TTC13: variants seen among roughly 807,000 people sequenced by gnomAD.
The protein encoded by TTC13 is tetratricopeptide repeat protein 13.
Under a neutral mutation model 120.0 loss-of-function variants are expected in TTC13, and 62 were observed. That is an observed-to-expected ratio of 0.52 (90% CI 0.42 to 0.64). TTC13 has a LOEUF of 0.64. Among genes scored for constraint, TTC13 ranks in the 30% least tolerant of loss-of-function variants. TTC13 has a pLI of 0.00. For missense variants in TTC13, 824 were observed against 1,050.2 expected (o/e 0.78, Z 2.98); for synonymous variants, 384 against 393.5 (o/e 0.98, Z 0.28).
chr1:230,908,225 T>C (rs1671132172), intron 22 of TTC13, among the ~76,000 whole-genome samples: 1 of 152,198 alleles, frequency 6.6e-6, no homozygotes, highest in African/African-American at 2.4e-5. Flanking sequence ...TCTCACTCTG[T>C]CACCCAAGCT....
intron 11 of TTC13, among the ~76,000 whole-genome samples, chr1:230,929,322 A>ATTTTTT (rs66812339): frequency 0.45 from 64,653 of 144,074 alleles, 15,262 homozygotes; most frequent in Admixed American, 0.55. Flanking sequence ...CTTTGGCTAC[A>ATTTTTT]TTTTTTTTTT....
At chr1:230,918,959 T>C (rs1672305957) in intron 17 of TTC13, among the ~76,000 whole-genome samples, 1 of 152,248 alleles carries the variant, frequency 6.6e-6, no homozygotes, top group African/African-American at 2.4e-5. Flanking sequence ...TTCTAACTGC[T>C]GTTGGCATGT....
chr1:230,962,081 G>A (rs1034762269), intron 1 of TTC13, among the ~76,000 whole-genome samples: 5 of 152,012 alleles, frequency 3.3e-5, no homozygotes, highest in African/African-American at 1.2e-4. Context: ...GTGGTGGCAG[G>A]TGCCTGTAAT....
chr1:230,906,886 T>A lies in TTC13; in HGVS notation c.*19A>T. The A allele has an allele frequency of 2.1e-5, 27 of 1,315,078 alleles. No homozygotes were observed. The highest frequency in any genetic ancestry group is 2.6e-5 in the Non-Finnish European group (25 of 975,578). The allele number at this position is 1,315,078 out of a possible 1,614,324, so 81.5% of individuals were successfully genotyped here. On this transcript the variant is annotated 3_prime_UTR_variant, in exon 23 of 23. Coordinates refer to ENST00000366661, the MANE Select transcript of TTC13 (RefSeq NM_024525.5). ...AGCAAGAGGTCCGGCCCTTTACTTG[T>A]ATAAATACAGCAGCAGAACTAGAGT...
intron 3 of TTC13, among the ~76,000 whole-genome samples, chr1:230,956,945 A>G (rs1436151998): frequency 6.6e-6 from 1 of 152,162 alleles, no homozygotes. Context: ...TCAAGAAAAA[A>G]TACTGGATAC....
At chr1:230,916,169 A>T (rs1303232238) in intron 18 of TTC13, 24 bp downstream of exon 18, 1 of 1,544,494 alleles carries the variant, frequency 6.5e-7, no homozygotes, top group African/African-American at 1.4e-5. Flanking sequence ...TCTAGTTTAC[A>T]CCCACATTAA....
At position 230,978,446 on chromosome 1, in the gene TTC13, T is replaced by G. The variant is rs909468819; in HGVS notation, c.271+114A>C. On this transcript the variant is annotated intron_variant, in intron 1 of 22. Transcript: ENST00000366661. The surrounding 1 kb of genome is among the most constrained non-coding windows in gnomAD (Gnocchi z 5.6). ...CCCTGGCCGAGCCGGCTCCCGCGGA[T>G]CGCGCGCCGCAGCCGGAGGCGTGAG... is the stretch of plus-strand genomic sequence containing the variant. 8.6e-5 allele frequency: 23 copies of G among 266,572 alleles called. No homozygotes were observed. Among genetic ancestry groups the G allele is most frequent in the Non-Finnish European group, 1.4e-4 (20 of 144,996 alleles). The allele number at this position is 266,572 out of a possible 1,614,324, so 16.5% of individuals were successfully genotyped here.
intron 8 of TTC13, among the ~76,000 whole-genome samples, chr1:230,937,793 CAT>C (rs1401139587): frequency 7.9e-5 from 12 of 152,146 alleles, no homozygotes; most frequent in Non-Finnish European, 1.6e-4. Context: ...GTACTTTTCA[CAT>C]AGAGTATTTT....
Position 230,940,542 on chromosome 1 carries a change from C to T in TTC13, c.687G>A (p.Leu229=), listed in dbSNP as rs748908285. The T allele has an allele frequency of 1.2e-6, 2 of 1,609,460 alleles. No individual in the cohort carries two copies. The highest frequency in any genetic ancestry group is 2.7e-5 in the African/African-American group (2 of 74,830). ...FEQRAEILSP[L]GRINEAVNDL... ...CATTCACTGCTTCATTAATTCGTCC[C>T]AGAGGGGACAGAATCTAGAAATCCC... The change falls in exon 7 of 23, where the codon CTG becomes CTA. Residue 229 remains leucine, a synonymous_variant. Coordinates refer to ENST00000366661, the MANE Select transcript of TTC13 (RefSeq NM_024525.5). The surrounding 1 kb of genome is among the most constrained non-coding windows in gnomAD (Gnocchi z 4.1).
chr1:230,933,058 T>G (rs982770728), intron 9 of TTC13, among the ~76,000 whole-genome samples: 10 of 152,144 alleles, frequency 6.6e-5, no homozygotes, highest in Non-Finnish European at 2.9e-5. Flanking sequence ...CCGCAACCTC[T>G]GACTCCCGGG....
intron 1 of TTC13, among the ~76,000 whole-genome samples, chr1:230,971,105 G>A (rs1677686845): frequency 6.6e-6 from 1 of 152,028 alleles, no homozygotes; most frequent in African/African-American, 2.4e-5. Flanking sequence ...CAGCACTTTG[G>A]GAGGCCGAGG....
intron 13 of TTC13, 40 bp from the exon 14 acceptor site, chr1:230,925,013 G>C: frequency 6.2e-7 from 1 of 1,611,208 alleles, no homozygotes; most frequent in Non-Finnish European, 8.5e-7. Context: ...GTACACTTTA[G>C]AGGGACTGAG....
At chr1:230,916,897 G>C (rs757954771) in intron 17 of TTC13, among the ~76,000 whole-genome samples, 2 of 152,200 alleles carry the variant, frequency 1.3e-5, no homozygotes, top group African/African-American at 2.4e-5. Flanking sequence ...TCAGACGTTA[G>C]CTTTCTGTTT....
At chr1:230,973,049 C>A (rs1186353714) in intron 1 of TTC13, among the ~76,000 whole-genome samples, 1 of 152,196 alleles carries the variant, frequency 6.6e-6, no homozygotes. Context: ...ATGAAGAGGT[C>A]TGCCATGAAA....
chr1:230,916,090 A>G (rs1345992310), intron 18 of TTC13, 103 bp downstream of exon 18: 2 of 850,894 alleles, frequency 2.4e-6, no homozygotes, highest in Admixed American at 3.7e-5. Flanking sequence ...TCATTTCAGG[A>G]TGGAGCAAAA....
chr1:230,919,727 G>T (rs539800546), intron 17 of TTC13, among the ~76,000 whole-genome samples: 9 of 152,224 alleles, frequency 5.9e-5, no homozygotes, highest in Admixed American at 5.9e-4. Flanking sequence ...GTAAAGTATG[G>T]TCTTACTTTT....
Position 230,911,450 on chromosome 1 carries a change from A to C in TTC13, c.2309+20T>G. The C allele has an allele frequency of 6.6e-7, 1 of 1,511,454 alleles. No homozygotes were observed. 93.6% of individuals were successfully genotyped at this position (1,511,454 alleles called of 1,614,324 possible). A position where few individuals can be genotyped will look rare whatever the true frequency, so the allele number is the denominator to read the frequency against. On this transcript the variant is annotated intron_variant, in intron 20 of 22. Transcript: ENST00000366661. The stretch of plus-strand genomic sequence containing the variant: ...ACATTTCTCAATTTAAAATAATTTT[A>C]ATGACAGGATATTACTTACCTGGAT...
chr1:230,919,146 A>G (rs1452070388), intron 17 of TTC13, among the ~76,000 whole-genome samples: 1 of 152,052 alleles, frequency 6.6e-6, no homozygotes, highest in Non-Finnish European at 1.5e-5. Context: ...TGCCTGGTAT[A>G]CCTGGATCAT....
intron 17 of TTC13, 38 bp downstream of exon 17, chr1:230,920,472 T>A (rs1672480766): frequency 1.4e-6 from 2 of 1,461,754 alleles, no homozygotes; most frequent in South Asian, 2.3e-5. Flanking sequence ...TTTCTTTTCC[T>A]CTAAAAACAT....
Sources: gnomAD v4.1 joint callset for allele counts (sites outside exome capture counted in the v4.1 genomes callset) on GRCh38, gnomAD v4.1.1 for gene constraint, Gnocchi (gnomAD v3.1) non-coding constraint, MANE v1.5 for transcripts, NCBI Gene and HGNC (gene_info 2026-07-23, HGNC 2026-07-21) for gene names.